PPFIBP1: variants seen among roughly 807,000 people sequenced by gnomAD.
PPFIBP1 encodes the protein liprin-beta-1.
Under a neutral mutation model 137.8 loss-of-function variants are expected in PPFIBP1, and 112 were observed. The observed-to-expected ratio is 0.81, with a 90% confidence interval of 0.70 to 0.95. PPFIBP1 has a LOEUF of 0.95. Among genes scored for constraint, PPFIBP1 ranks in the 40% least tolerant of loss-of-function variants. The pLI is 0.00. For synonymous variants in PPFIBP1, 378 were observed against 417.3 expected (o/e 0.91, Z 1.15); for missense variants, 1,083 against 1,196.6 (o/e 0.91, Z 1.40).
chr12:27,563,815 G>A (rs1335370953), intron 1 of PPFIBP1, among the ~76,000 whole-genome samples: 1 of 151,098 alleles, frequency 6.6e-6, no homozygotes, highest in Admixed American at 6.6e-5. Context: ...GGGACTTAAG[G>A]AATATGCAGA....
chr12:27,656,850 G>A, intron 9 of PPFIBP1, 120 bp downstream of exon 9: 1 of 665,644 alleles, frequency 1.5e-6, no homozygotes, highest in South Asian at 1.8e-5. Context: ...GCAGAATCCA[G>A]CCAGGACCAG....
intron 5 of PPFIBP1, chr12:27,646,432 C>T (rs1593100918): frequency 1.0e-5 from 4 of 384,080 alleles, no homozygotes; most frequent in South Asian, 6.0e-5. Context: ...TTTTTGGAGG[C>T]GGGGTCTTGT....
chr12:27,576,789 C>T (rs73078236), intron 1 of PPFIBP1, among the ~76,000 whole-genome samples: 4,115 of 152,298 alleles, frequency 0.027, 97 homozygotes, highest in Non-Finnish European at 0.037. Context: ...GGCACCACTT[C>T]TCCAACTAAA....
intron 14 of PPFIBP1, among the ~76,000 whole-genome samples, chr12:27,672,124 A>C (rs1052180160): frequency 6.6e-6 from 1 of 152,162 alleles, no homozygotes; most frequent in Non-Finnish European, 1.5e-5. Flanking sequence ...CCGAGGTCAT[A>C]GGTAACTGTC....
chr12:27,655,029 G>A (rs2059108634), intron 8 of PPFIBP1: 11 of 1,036,316 alleles, frequency 1.1e-5, no homozygotes, highest in African/African-American at 3.2e-5. Flanking sequence ...AACATAACCT[G>A]CCCTTTCTCT....
chr12:27,595,574 G>A (rs1386500992), intron 2 of PPFIBP1, among the ~76,000 whole-genome samples: 1 of 152,110 alleles, frequency 6.6e-6, no homozygotes, highest in Non-Finnish European at 1.5e-5. Flanking sequence ...TGTGCCCTAG[G>A]CCGGGCGCAG....
chr12:27,565,662 C>T (rs1025929894), intron 1 of PPFIBP1, among the ~76,000 whole-genome samples: 11 of 152,120 alleles, frequency 7.2e-5, no homozygotes, highest in African/African-American at 2.2e-4. Flanking sequence ...CCCCGTGTCC[C>T]GTCTTTTCTT....
At chr12:27,647,608 T>C (rs1371749486) in intron 5 of PPFIBP1, 121 bp from the exon 6 acceptor site, 7 of 599,542 alleles carry the variant, frequency 1.2e-5, no homozygotes, top group Non-Finnish European at 1.7e-5. Context: ...TCAGATTTTT[T>C]TTTCTTTATA....
rs531581757 is a variant in PPFIBP1, at chr12:27,569,286, T to C, written c.-123-8866T>C. ...CTTCAGTATGTATATTTATTATAAA[T>C]AATACACACATTATTGCACTGATAT... On this transcript the variant is annotated intron_variant, in intron 1 of 29. Transcript: ENST00000228425. Among the ~76,000 whole-genome samples the C allele has an allele frequency of 4.0e-5, 6 of 151,444 alleles. No homozygotes were observed. In the East Asian group the frequency reaches 7.9e-4, roughly 20 times the overall value.
intron 4 of PPFIBP1, among the ~76,000 whole-genome samples, chr12:27,639,773 A>G (rs1354591843): frequency 6.6e-6 from 1 of 152,228 alleles, no homozygotes; most frequent in Non-Finnish European, 1.5e-5. Context: ...TTAATCCCAA[A>G]TGTATATTTT....
At chr12:27,674,715 A>G (rs2060395185) in intron 17 of PPFIBP1, among the ~76,000 whole-genome samples, 1 of 151,984 alleles carries the variant, frequency 6.6e-6, no homozygotes, top group African/African-American at 2.4e-5. Context: ...CCCTTCTTAG[A>G]TTACCATTAG....
intron 1 of PPFIBP1, among the ~76,000 whole-genome samples, chr12:27,567,098 A>G (rs773508876): frequency 5.3e-5 from 8 of 152,238 alleles, no homozygotes; most frequent in South Asian, 2.1e-4. Flanking sequence ...CAGAATATCA[A>G]TAAGGAAAAA....
chr12:27,605,724 G>A (rs537544906), intron 2 of PPFIBP1, among the ~76,000 whole-genome samples: 1 of 152,280 alleles, frequency 6.6e-6, no homozygotes, highest in South Asian at 2.1e-4. Context: ...AGTTTTGGTG[G>A]TGGTTTCATG....
Position 27,555,713 on chromosome 12 carries a change from C to T in PPFIBP1, c.-123-22439C>T, listed in dbSNP as rs566659464. On this transcript the variant is annotated intron_variant, in intron 1 of 29. Coordinates refer to ENST00000228425, the MANE Select transcript of PPFIBP1 (RefSeq NM_003622.4). ...AGAATTAAATTCTTTTATCTGTTAA[C>T]AAGCTCATCTTTTCATTGACTCAAA... Among the ~76,000 whole-genome samples the T allele has an allele frequency of 2.0e-5, 3 of 152,292 alleles. No individual in the cohort carries two copies. In the East Asian group the frequency reaches 5.8e-4, roughly 29 times the overall value.
At chr12:27,590,470 G>T (rs73078301) in intron 2 of PPFIBP1, among the ~76,000 whole-genome samples, 3 of 152,082 alleles carry the variant, frequency 2.0e-5, no homozygotes, top group Non-Finnish European at 4.4e-5. Context: ...GCCACTGCGC[G>T]CAGCCCACTG....
intron 8 of PPFIBP1, among the ~76,000 whole-genome samples, chr12:27,655,866 C>T (rs1223876804): frequency 6.6e-6 from 1 of 152,168 alleles, no homozygotes; most frequent in African/African-American, 2.4e-5. Flanking sequence ...CTTAGCATTG[C>T]ATAGCTGTAT....
At chr12:27,598,538 C>CTGTG (rs71039825) in intron 2 of PPFIBP1, among the ~76,000 whole-genome samples, 1,980 of 150,800 alleles carry the variant, frequency 0.013, 21 homozygotes, top group African/African-American at 0.024. Context: ...TCTCTATAAT[C>CTGTG]TGTGTGTGTG....
At chr12:27,677,537 A>G (rs148752993) in intron 19 of PPFIBP1, 9 of 170,272 alleles carry the variant, frequency 5.3e-5, no homozygotes, top group African/African-American at 2.1e-4. Flanking sequence ...AAGACATTGA[A>G]TATTATAGTT....
At chr12:27,676,903 C>T (rs745927613) in intron 18 of PPFIBP1, 161 bp from the exon 19 acceptor site, 40 of 869,964 alleles carry the variant, frequency 4.6e-5, no homozygotes, top group African/African-American at 6.6e-5. Flanking sequence ...TTAACATTGA[C>T]GTTGAGCCTG....
Sources: gnomAD v4.1 joint callset for allele counts (sites outside exome capture counted in the v4.1 genomes callset) on GRCh38, gnomAD v4.1.1 for gene constraint, MANE v1.5 for transcripts, NCBI Gene and HGNC (gene_info 2026-07-23, HGNC 2026-07-21) for gene names.